Variants in MAP2K6 observed in about 807,000 individuals in gnomAD.
The protein encoded by MAP2K6 is mitogen-activated protein kinase kinase 6, also known as dual specificity mitogen-activated protein kinase kinase 6.
In MAP2K6, 16 loss-of-function variants were observed where a neutral mutation model predicts 53.7. The ratio of observed to expected loss-of-function variants is 0.30; its 90% CI spans 0.20 to 0.45. The LOEUF is 0.45. Ranked by LOEUF, MAP2K6 falls within the 20% of genes least tolerant of loss-of-function variation. The probability of loss-of-function intolerance (pLI) is 1.00; values close to 1 mark genes in which losing one functional copy is unlikely to be tolerated. For synonymous variants in MAP2K6, 132 were observed against 143.1 expected, an observed-to-expected ratio of 0.92 and a Z score of 0.55; for missense variants, 204 against 411.9, an observed-to-expected ratio of 0.50 and a Z score of 4.37.
intron 2 of MAP2K6, among the ~76,000 whole-genome samples, chr17:69,506,977 T>A (rs1194759679): frequency 1.3e-5 from 2 of 151,762 alleles, no homozygotes; most frequent in Non-Finnish European, 2.9e-5. Context: ...TTTTTTTCGG[T>A]CTCTCTGAGC....
intron 1 of MAP2K6, among the ~76,000 whole-genome samples, chr17:69,480,910 G>A (rs1197391231): frequency 7.5e-6 from 1 of 134,060 alleles, no homozygotes; most frequent in African/African-American, 3.1e-5. Flanking sequence ...AACAATGTTA[G>A]CATCTAAACC....
At chr17:69,421,615 T>G (rs1906081805) in intron 1 of MAP2K6, among the ~76,000 whole-genome samples, 1 of 151,678 alleles carries the variant, frequency 6.6e-6, no homozygotes, top group East Asian at 1.9e-4. Context: ...CTCAGCTTAC[T>G]GCAACCTCCG....
rs546249037 is a variant in MAP2K6, at chr17:69,450,033, C to G, written c.16+35033C>G. On this transcript the variant is annotated intron_variant, in intron 1 of 11. Transcript: ENST00000590474. Reference sequence around the variant, plus strand: ...CACTGCAACCTCCGCCTCCCAGGTTCAAGTGATTCTCCTGCATCAGCCTTC... The same window carrying G: ...CACTGCAACCTCCGCCTCCCAGGTTGAAGTGATTCTCCTGCATCAGCCTTC... 1.1e-4 allele frequency among the ~76,000 whole-genome samples: 17 copies of G among 151,650 alleles called. No homozygotes were observed. The East Asian group carries it at 2.7e-3, about 24-fold the overall frequency.
chr17:69,458,466 C>T (rs1025623193), intron 1 of MAP2K6, among the ~76,000 whole-genome samples: 2 of 152,164 alleles, frequency 1.3e-5, no homozygotes, highest in Non-Finnish European at 2.9e-5. Flanking sequence ...ATTCTTATCA[C>T]CCTGAAGTAT....
At chr17:69,492,700 G>T (rs1858560563) in intron 1 of MAP2K6, among the ~76,000 whole-genome samples, 1 of 152,124 alleles carries the variant, frequency 6.6e-6, no homozygotes, top group Admixed American at 6.5e-5. Flanking sequence ...CTCTCTGGGT[G>T]TGTCTACTCT....
chr17:69,465,432 A>G (rs1907762666), intron 1 of MAP2K6, among the ~76,000 whole-genome samples: 1 of 152,020 alleles, frequency 6.6e-6, no homozygotes, highest in Non-Finnish European at 1.5e-5. Flanking sequence ...CTTTTGCTTT[A>G]AGATTCCCAG....
intron 1 of MAP2K6, among the ~76,000 whole-genome samples, chr17:69,463,671 T>C (rs921744601): frequency 2.6e-5 from 4 of 151,254 alleles, no homozygotes; most frequent in Admixed American, 2.6e-4. Context: ...TACATATATG[T>C]ATATACACAC....
chr17:69,505,712 G>T, intron 1 of MAP2K6, 68 bp from the exon 2 acceptor site: 3 of 1,259,342 alleles, frequency 2.4e-6, no homozygotes, highest in East Asian at 2.3e-5. Flanking sequence ...TTCCTTTGCC[G>T]CAGTCTCTTT....
chr17:69,461,133 G>A lies in MAP2K6; in HGVS notation c.17-44647G>A, dbSNP rs72856061. On this transcript the variant is annotated intron_variant, in intron 1 of 11. Coordinates refer to ENST00000590474, the MANE Select transcript of MAP2K6 (RefSeq NM_002758.4). ...CTATAAAAAGCATATAGTAAAAGAT[G>A]TGAGTGGTATTCCCTTATTCCTTTG... Among the ~76,000 whole-genome samples, 515 of 152,302 alleles carry A rather than the reference G, an allele frequency of 3.4e-3. 3 individuals are homozygous for A. Among genetic ancestry groups the A allele is most frequent in the Middle Eastern group, 6.8e-3 (2 of 294 alleles).
At chr17:69,448,469 C>T (rs1321806366) in intron 1 of MAP2K6, among the ~76,000 whole-genome samples, 4 of 152,166 alleles carry the variant, frequency 2.6e-5, no homozygotes, top group Admixed American at 1.3e-4. Flanking sequence ...CAGCCCGAAG[C>T]TGGAGGTCTG....
intron 1 of MAP2K6, chr17:69,502,128 A>T (rs181969170): frequency 3.1e-6 from 3 of 979,506 alleles, no homozygotes; most frequent in Non-Finnish European, 3.6e-6. Context: ...AGTCTGGTTA[A>T]TGATTAATGT....
chr17:69,502,708 G>T, intron 1 of MAP2K6: 1 of 985,520 alleles, frequency 1.0e-6, no homozygotes, highest in Non-Finnish European at 1.2e-6. Flanking sequence ...TTGATGTGGG[G>T]GGCTGTGGGG....
intron 1 of MAP2K6, among the ~76,000 whole-genome samples, chr17:69,418,863 C>A (rs1383865395): frequency 2.4e-5 from 3 of 123,400 alleles, no homozygotes; most frequent in Non-Finnish European, 5.1e-5. Context: ...CTGAAAATAG[C>A]TTTTTATTAT....
chr17:69,496,792 T>C (rs1908971349), intron 1 of MAP2K6, among the ~76,000 whole-genome samples: 1 of 152,122 alleles, frequency 6.6e-6, no homozygotes, highest in Non-Finnish European at 1.5e-5. Flanking sequence ...CTGCTTGAAT[T>C]CTGCCATGCG....
chr17:69,486,609 C>T (rs2715817), intron 1 of MAP2K6, among the ~76,000 whole-genome samples: 86,295 of 151,942 alleles, frequency 0.57, 24,770 homozygotes, highest in East Asian at 0.68. Flanking sequence ...AGAGGGGACA[C>T]TGCCACACAT....
chr17:69,461,692 G>A (rs1907627844), intron 1 of MAP2K6, among the ~76,000 whole-genome samples: 1 of 152,224 alleles, frequency 6.6e-6, no homozygotes, highest in South Asian at 2.1e-4. Context: ...CATCCCGCAG[G>A]CACCCCTTGC....
intron 1 of MAP2K6, among the ~76,000 whole-genome samples, chr17:69,490,919 C>T (rs754040182): frequency 3.9e-5 from 6 of 152,044 alleles, no homozygotes; most frequent in South Asian, 4.2e-4. Context: ...CTCATGTGTC[C>T]GTGTGTTCTC....
chr17:69,528,859 CAAAAAAAAAAAAAAA>C (rs58897757), intron 10 of MAP2K6, among the ~76,000 whole-genome samples: 1 of 59,090 alleles, frequency 1.7e-5, no homozygotes, highest in Non-Finnish European at 2.9e-5. Flanking sequence ...GACGCCATCT[CAAAAAAAAAAAAAAA>C]AAAAAAAAAA....
chr17:69,439,770 C>T (rs1369745881), intron 1 of MAP2K6, among the ~76,000 whole-genome samples: 1 of 152,098 alleles, frequency 6.6e-6, no homozygotes, highest in Non-Finnish European at 1.5e-5. Flanking sequence ...TTAAGTTTGC[C>T]TCCTGAGAAC....
Sources: gnomAD v4.1 joint callset for allele counts (sites outside exome capture counted in the v4.1 genomes callset) on GRCh38, gnomAD v4.1.1 for gene constraint, MANE v1.5 for transcripts, NCBI Gene and HGNC (gene_info 2026-07-23, HGNC 2026-07-21) for gene names.